Variants in NPHP4 observed in about 807,000 individuals in gnomAD.
NPHP4 encodes nephrocystin-4.
NPHP4 carries 151 observed loss-of-function variants against 155.8 expected under a neutral mutation model. The observed-to-expected ratio is 0.97, with a 90% confidence interval of 0.85 to 1.11. The LOEUF (loss-of-function observed/expected upper bound fraction) is 1.11. Among genes scored for constraint, NPHP4 ranks in the 50% least tolerant of loss-of-function variants. The pLI is 0.00. For synonymous variants in NPHP4, 845 were observed against 816.8 expected, an observed-to-expected ratio of 1.03 and a Z score of -0.59; for missense variants, 1,956 against 1,925.7, an observed-to-expected ratio of 1.02 and a Z score of -0.29.
intron 21 of NPHP4, 41 bp from the exon 22 acceptor site, chr1:5,874,698 A>G (rs759727603): frequency 6.3e-7 from 1 of 1,598,040 alleles, no homozygotes; most frequent in Non-Finnish European, 8.5e-7. Context: ...AGTTCTTCCC[A>G]GGAGGACCCA....
Position 5,890,800 on chromosome 1 carries a change from C to T in NPHP4, c.2304+68G>A. ...CCCGCTCCTTCCAAGCAGACAGACGCTGGAAGCGTGACTCGTCCCATGAGG... is the reference window on the plus strand; with the variant it reads ...CCCGCTCCTTCCAAGCAGACAGACGTTGGAAGCGTGACTCGTCCCATGAGG... On this transcript the variant is annotated intron_variant, in intron 17 of 29. Coordinates refer to ENST00000378156, the MANE Select transcript of NPHP4 (RefSeq NM_015102.5). This position sits in a 1 kb window ranked among gnomAD's most constrained non-coding sequence, Gnocchi z 4.9. The T allele has an allele frequency of 1.3e-6, 2 of 1,497,602 alleles. No individual in the cohort carries two copies. The highest frequency in any genetic ancestry group is 1.8e-6 in the Non-Finnish European group (2 of 1,093,316). The allele number at this position is 1,497,602 out of a possible 1,614,324, so 92.8% of individuals were successfully genotyped here.
chr1:5,919,683 G>A (rs1176399564), intron 11 of NPHP4, among the ~76,000 whole-genome samples: 5 of 152,104 alleles, frequency 3.3e-5, no homozygotes, highest in Non-Finnish European at 4.4e-5. Flanking sequence ...GGGCCCACCC[G>A]GAACCTACTT....
intron 7 of NPHP4, among the ~76,000 whole-genome samples, chr1:5,949,343 T>TACACACACACACAC (rs140032819): frequency 0.34 from 47,762 of 140,594 alleles, 8,392 homozygotes; most frequent in East Asian, 0.56. Context: ...TTCACATACA[T>TACACACACACACAC]ACACACACAC....
At chr1:5,953,629 G>A (rs1175308142) in intron 6 of NPHP4, among the ~76,000 whole-genome samples, 3 of 152,206 alleles carry the variant, frequency 2.0e-5, no homozygotes, top group Non-Finnish European at 2.9e-5. Context: ...CAGCCTGAAC[G>A]GCACCACGAG....
At chr1:5,903,958 CA>C (rs532120904) in intron 16 of NPHP4, among the ~76,000 whole-genome samples, 23 of 151,776 alleles carry the variant, frequency 1.5e-4, no homozygotes, top group African/African-American at 5.1e-4. Flanking sequence ...TTGCCAAAAA[CA>C]AAAAAAAGCA....
At chr1:5,919,377 C>T (rs1465232850) in intron 11 of NPHP4, among the ~76,000 whole-genome samples, 1 of 152,218 alleles carries the variant, frequency 6.6e-6, no homozygotes, top group Non-Finnish European at 1.5e-5. Flanking sequence ...CCACAGTGCC[C>T]TGTCCCCACA....
chr1:5,945,076 G>T (rs1442931481), intron 9 of NPHP4, among the ~76,000 whole-genome samples: 1 of 152,208 alleles, frequency 6.6e-6, no homozygotes, highest in Admixed American at 6.5e-5. Flanking sequence ...TCAGATGAGG[G>T]TTAAAAAAGA....
rs1644952018 is a variant in NPHP4, at chr1:5,907,209, TGGGAAATTGACAA to T, written c.1504_1516del (p.Leu502SerfsTer48). 1 of 1,578,932 alleles carries T rather than the reference TGGGAAATTGACAA, an allele frequency of 6.3e-7. No homozygotes were observed. Among genetic ancestry groups the T allele is most frequent in the Admixed American group, 1.8e-5 (1 of 55,358 alleles). On this transcript the variant is annotated frameshift_variant and splice_region_variant, in exon 13 of 30. Transcript: ENST00000378156. LOFTEE classifies it high-confidence loss of function. ...CGGGGACCGCGGGGAGGCCGCCAGC[TGGGAAATTGACAA>T]CTGGAAGGAAAGAGAGCACAGGTGA... is the stretch of plus-strand genomic sequence containing the variant.
chr1:5,959,937 G>A (rs186343361), intron 6 of NPHP4, among the ~76,000 whole-genome samples: 1 of 152,090 alleles, frequency 6.6e-6, no homozygotes. Flanking sequence ...TCAACCAGGC[G>A]GCAACTCACA....
At chr1:5,964,939 A>ATTTTTTTTTTTTTTTTT (rs1232148646) in intron 5 of NPHP4, among the ~76,000 whole-genome samples, 9 of 62,706 alleles carry the variant, frequency 1.4e-4, no homozygotes, top group African/African-American at 3.1e-4. Flanking sequence ...ATATATATAT[A>ATTTTTTTTTTTTTTTTT]TATTTTTTTT....
intron 3 of NPHP4, among the ~76,000 whole-genome samples, chr1:5,973,176 C>A (rs1652897374): frequency 6.6e-6 from 1 of 152,228 alleles, no homozygotes; most frequent in Admixed American, 6.5e-5. Context: ...TGAGCCACTG[C>A]ACCCGGCCTC....
chr1:5,873,326 C>G lies in NPHP4; in HGVS notation c.3241G>C (p.Gly1081Arg), dbSNP rs373981841. The change falls in exon 23 of 30, where the codon GGG becomes CGG. Residue 1081 changes from glycine to arginine, a missense_variant. Coordinates refer to ENST00000378156, the MANE Select transcript of NPHP4 (RefSeq NM_015102.5). ...TCCATGCCCTTCTCGTTGCTCAACC[C>G]AGGAGAGGCCTGCAGGAACCGAACA... ...GQLAMVQASP[G>R]LSNEKGMDAV... 2.8e-5 allele frequency: 45 copies of G among 1,613,732 alleles called. No homozygotes were observed. Among genetic ancestry groups the G allele is most frequent in the Middle Eastern group, 1.6e-4 (1 of 6,082 alleles).
Position 5,862,975 on chromosome 1 carries a change from G to A in NPHP4, c.*290C>T, listed in dbSNP as rs766388671. 2.2e-4 allele frequency: 98 copies of A among 447,566 alleles called. No homozygotes were observed. The highest frequency in any genetic ancestry group is 3.6e-4 in the Non-Finnish European group (88 of 246,848). The allele number at this position is 447,566 out of a possible 1,614,324, so 27.7% of individuals were successfully genotyped here. Reference sequence around the variant, plus strand: ...CATAAAATACATTTTGAGCAACAGCGATAACGAGGGTCCCACATGCGTAGA... The same window carrying A: ...CATAAAATACATTTTGAGCAACAGCAATAACGAGGGTCCCACATGCGTAGA... On this transcript the variant is annotated 3_prime_UTR_variant, in exon 30 of 30. Transcript: ENST00000378156.
chr1:5,988,982 T>C (rs1655874625), intron 1 of NPHP4, among the ~76,000 whole-genome samples: 1 of 152,228 alleles, frequency 6.6e-6, no homozygotes, highest in African/African-American at 2.4e-5. Flanking sequence ...TTGTTCTCTG[T>C]GGGCTATTTT....
At position 5,989,831 on chromosome 1, in the gene NPHP4, C is replaced by T. The variant is rs536674454; in HGVS notation, c.-39+2413G>A. 1.2e-4 allele frequency among the ~76,000 whole-genome samples: 19 copies of T among 152,312 alleles called. No homozygotes were observed. The South Asian group carries it at 3.7e-3, about 30-fold the overall frequency. On this transcript the variant is annotated intron_variant, in intron 1 of 29. Transcript: ENST00000378156. Reference sequence around the variant, plus strand: ...TTGGCCCAAGGACACTGCTGAAGGACGTGCATACGCCAGTCGACCCTCACA... The same window carrying T: ...TTGGCCCAAGGACACTGCTGAAGGATGTGCATACGCCAGTCGACCCTCACA...
chr1:5,863,941 G>A lies in NPHP4; in HGVS notation c.4089C>T (p.His1363=), dbSNP rs761322774. 3 of 1,613,878 alleles carry A rather than the reference G, an allele frequency of 1.9e-6. No homozygotes were observed. Among genetic ancestry groups the A allele is most frequent in the Non-Finnish European group, 2.5e-6 (3 of 1,179,834 alleles). Residue 1363 remains histidine (H), a synonymous_variant, in exon 29 of 30, where the codon CAC becomes CAT. Coordinates refer to ENST00000378156, the MANE Select transcript of NPHP4 (RefSeq NM_015102.5). ...TNPYPSRRTF[H]LHSDHPELLR... ...GCAGCTCCGGGTGGTCGCTGTGCAG[G>A]TGGAATGTCCTCCGGGAGGGGTAGG...
Position 5,914,286 on chromosome 1 carries a change from A to AAAAAAAAAAAAAAAG in NPHP4, c.1442-5074_1442-5073insCTTTTTTTTTTTTTT, listed in dbSNP as rs70977991. On this transcript the variant is annotated intron_variant, in intron 11 of 29. Coordinates refer to ENST00000378156, the MANE Select transcript of NPHP4 (RefSeq NM_015102.5). ...AAAAAAAAAAAAAAAAAAAAAAAAA[A>AAAAAAAAAAAAAAAG]GGCCTGGTGTGGTGGCATGCACCTG... is the stretch of plus-strand genomic sequence containing the variant. Among the ~76,000 whole-genome samples the AAAAAAAAAAAAAAAG allele has an allele frequency of 1.1e-4, 15 of 139,926 alleles. 1 individual carries two copies. The highest frequency in any genetic ancestry group is 4.4e-4 in the African/African-American group (15 of 33,946). The allele number at this position is 139,926 out of a possible 152,430, so 91.8% of individuals were successfully genotyped here.
At chr1:5,988,217 G>C (rs183390502) in intron 1 of NPHP4, among the ~76,000 whole-genome samples, 1 of 152,198 alleles carries the variant, frequency 6.6e-6, no homozygotes, top group East Asian at 1.9e-4. Flanking sequence ...AAATCCTTAA[G>C]AAACTTCTGC....
intron 23 of NPHP4, among the ~76,000 whole-genome samples, chr1:5,869,328 C>T (rs889826013): frequency 6.8e-6 from 1 of 146,166 alleles, no homozygotes; most frequent in Admixed American, 6.8e-5. Flanking sequence ...CACATACACA[C>T]ACACCACCCA....
Sources: gnomAD v4.1 joint callset for allele counts (sites outside exome capture counted in the v4.1 genomes callset) on GRCh38, gnomAD v4.1.1 for gene constraint, Gnocchi (gnomAD v3.1) non-coding constraint, MANE v1.5 for transcripts, NCBI Gene and HGNC (gene_info 2026-07-23, HGNC 2026-07-21) for gene names.